NT5DC1: variants seen among roughly 807,000 people sequenced by gnomAD.
The protein encoded by NT5DC1 is 5'-nucleotidase domain-containing protein 1.
NT5DC1 carries 42 observed loss-of-function variants against 59.4 expected under a neutral mutation model. The ratio of observed to expected loss-of-function variants is 0.71; its 90% CI spans 0.55 to 0.92. NT5DC1 has a LOEUF of 0.92. Among genes scored for constraint, NT5DC1 ranks in the 40% least tolerant of loss-of-function variants. NT5DC1 has a pLI of 0.00. For missense variants in NT5DC1, 501 were observed against 537.1 expected (o/e 0.93, Z 0.66); for synonymous variants, 172 against 188.1 (o/e 0.91, Z 0.70).
At chr6:116,172,837 A>G (rs1047779934) in intron 6 of NT5DC1, among the ~76,000 whole-genome samples, 3 of 152,032 alleles carry the variant, frequency 2.0e-5, no homozygotes, top group African/African-American at 7.2e-5. Context: ...AGGAAAATCT[A>G]CTCTCCTTGT....
chr6:116,239,092 T>C lies in NT5DC1; in HGVS notation c.1221T>C (p.Thr407=). Residue 407 remains threonine, a synonymous_variant, in exon 11 of 12, where the codon ACT becomes ACC. Coordinates refer to ENST00000319550, the MANE Select transcript of NT5DC1 (RefSeq NM_152729.3). Reference sequence around the variant, plus strand: ...GTAAGAGAATCAGTACTTACAGCACTATTGCAATTCCAAGTATTGAAGCAA... The same window carrying C: ...GTAAGAGAATCAGTACTTACAGCACCATTGCAATTCCAAGTATTGAAGCAA... The part of the protein sequence containing the change: ...WSCKRISTYS[T]IAIPSIEAIA... The C allele has an allele frequency of 6.2e-7, 1 of 1,612,360 alleles. No homozygotes were observed. The highest frequency in any genetic ancestry group is 8.5e-7 in the Non-Finnish European group (1 of 1,179,162).
chr6:116,138,048 C>T lies in NT5DC1; in HGVS notation c.529+20103C>T, dbSNP rs57955822. On this transcript the variant is annotated intron_variant, in intron 6 of 11. Coordinates refer to ENST00000319550, the MANE Select transcript of NT5DC1 (RefSeq NM_152729.3). ...AGCCAAGATCACACCACTGCACTCC[C>T]GCCTGGGTGACAGAGTGAGACTCTG... 5.1e-3 allele frequency among the ~76,000 whole-genome samples: 773 copies of T among 151,890 alleles called. 10 individuals carry two copies. The highest frequency in any genetic ancestry group is 0.018 in the African/African-American group (732 of 41,388).
chr6:116,131,367 G>T (rs1042563188), intron 6 of NT5DC1, among the ~76,000 whole-genome samples: 4 of 152,094 alleles, frequency 2.6e-5, no homozygotes, highest in African/African-American at 9.7e-5. Flanking sequence ...TTAAAACATT[G>T]TTTTGATTTA....
chr6:116,182,070 C>G (rs1040745802), intron 6 of NT5DC1, among the ~76,000 whole-genome samples: 1 of 151,972 alleles, frequency 6.6e-6, no homozygotes, highest in African/African-American at 2.4e-5. Context: ...TATTCTTATG[C>G]CTTTGTGTCT....
chr6:116,222,372 G>C (rs1264675181), intron 7 of NT5DC1, among the ~76,000 whole-genome samples: 1 of 152,158 alleles, frequency 6.6e-6, no homozygotes, highest in Non-Finnish European at 1.5e-5. Flanking sequence ...GTTTGGATTT[G>C]TAAAAGTATT....
chr6:116,160,456 A>T (rs1374599118), intron 6 of NT5DC1, among the ~76,000 whole-genome samples: 1 of 151,928 alleles, frequency 6.6e-6, no homozygotes, highest in Non-Finnish European at 1.5e-5. Flanking sequence ...CTACTTTTTA[A>T]TGGAATTTTT....
At chr6:116,173,081 T>G (rs1362050560) in intron 6 of NT5DC1, among the ~76,000 whole-genome samples, 1 of 152,204 alleles carries the variant, frequency 6.6e-6, no homozygotes, top group East Asian at 1.9e-4. Flanking sequence ...CTTCTATAAC[T>G]TTTAAAGTTC....
At chr6:116,110,570 G>A (rs185813609) in intron 3 of NT5DC1, among the ~76,000 whole-genome samples, 1 of 152,190 alleles carries the variant, frequency 6.6e-6, no homozygotes, top group East Asian at 1.9e-4. Context: ...GTAGTTAAAC[G>A]ACAACTTCTC....
chr6:116,101,543 TGAAAG>T lies in NT5DC1; in HGVS notation c.93+524_93+528del, dbSNP rs1778656375. Among the ~76,000 whole-genome samples the T allele has an allele frequency of 2.0e-5, 3 of 152,196 alleles. No individual in the cohort carries two copies. In the South Asian group the frequency reaches 6.2e-4, roughly 32 times the overall value. ...ATGCGTAGTATATAGTGTAGTGTAT[TGAAAG>T]GAACACTAGTTGAAAAGTCATTAAG... On this transcript the variant is annotated intron_variant, in intron 1 of 11. Transcript: ENST00000319550.
Position 116,245,789 on chromosome 6 carries a change from A to G in NT5DC1, c.*1765A>G, listed in dbSNP as rs1771835724. The G allele has an allele frequency of 7.5e-6, 1 of 132,666 alleles. No individual in the cohort carries two copies. Among genetic ancestry groups the G allele is most frequent in the South Asian group, 3.0e-4 (1 of 3,336 alleles). 8.2% of individuals were successfully genotyped at this position (132,666 alleles called of 1,614,324 possible). ...GAAGTCCAAAATAAGAAATAACTGC[A>G]CTTTTTGGGCCACTTGAGTAGTGGC... On this transcript the variant is annotated 3_prime_UTR_variant, in exon 12 of 12. Transcript: ENST00000319550.
At chr6:116,178,096 C>CGT (rs1224530711) in intron 6 of NT5DC1, among the ~76,000 whole-genome samples, 1,250 of 107,860 alleles carry the variant, frequency 0.012, 11 homozygotes, top group Non-Finnish European at 0.017. Flanking sequence ...TGTGCGCGCG[C>CGT]GCGCGCGTGC....
rs1341743704 is a variant in NT5DC1 at position 116,108,379 on chromosome 6, A to G, written c.201A>G (p.Ala67=). The G allele has an allele frequency of 1.2e-6, 2 of 1,605,490 alleles. No individual in the cohort carries two copies. Among genetic ancestry groups the G allele is most frequent in the South Asian group, 1.1e-5 (1 of 90,846 alleles). The change falls in exon 3 of 12, where the codon GCA becomes GCG. Residue 67 remains alanine (A), a synonymous_variant. Transcript: ENST00000319550. Reference sequence around the variant, plus strand: ...CCTATTTCAGTTGCAAAGGTTTGGCATTGGATCTAGAAGATGGGAACTTCC... The same window carrying G: ...CCTATTTCAGTTGCAAAGGTTTGGCGTTGGATCTAGAAGATGGGAACTTCC... The part of the protein sequence containing the change: ...EDWDFCCKGL[A]LDLEDGNFLK...
chr6:116,187,528 A>G (rs919555183), intron 6 of NT5DC1, among the ~76,000 whole-genome samples: 1 of 152,102 alleles, frequency 6.6e-6, no homozygotes, highest in South Asian at 2.1e-4. Context: ...TGACAACTAG[A>G]AGATCACTGA....
intron 6 of NT5DC1, among the ~76,000 whole-genome samples, chr6:116,130,350 T>G (rs1238931838): frequency 6.6e-6 from 1 of 152,176 alleles, no homozygotes; most frequent in African/African-American, 2.4e-5. Flanking sequence ...TGGCACTTAT[T>G]AATCTTACTA....
At chr6:116,197,043 G>T (rs144857065) in intron 6 of NT5DC1, among the ~76,000 whole-genome samples, 1 of 151,574 alleles carries the variant, frequency 6.6e-6, no homozygotes, top group Non-Finnish European at 1.5e-5. Context: ...AGCTGTGTGT[G>T]TCCATCAGAG....
At chr6:116,182,919 T>C (rs1412383342) in intron 6 of NT5DC1, among the ~76,000 whole-genome samples, 1 of 152,180 alleles carries the variant, frequency 6.6e-6, no homozygotes, top group Non-Finnish European at 1.5e-5. Context: ...TTGAATTTGC[T>C]TTTGAGTTCT....
chr6:116,144,461 A>G (rs1388864547), intron 6 of NT5DC1, among the ~76,000 whole-genome samples: 3 of 151,842 alleles, frequency 2.0e-5, no homozygotes, highest in Non-Finnish European at 4.4e-5. Flanking sequence ...ATGTTGTGCC[A>G]CTGCACTCCA....
chr6:116,220,122 C>CTTTTTTTTTTTTT lies in NT5DC1; in HGVS notation c.530-921_530-909dup, dbSNP rs60827021. Reference sequence around the variant, plus strand: ...TATCATTCAGTACAAGCTGTTTAACCTTTTTTTTTTTTTTTTTTTTTTTGT... The same window carrying CTTTTTTTTTTTTT: ...TATCATTCAGTACAAGCTGTTTAACCTTTTTTTTTTTTTTTTTTTTTTTTTTTTTTTTTTTTGT... On this transcript the variant is annotated intron_variant, in intron 6 of 11. Transcript: ENST00000319550. 6.1e-4 allele frequency among the ~76,000 whole-genome samples: 60 copies of CTTTTTTTTTTTTT among 98,644 alleles called. 1 individual carries two copies. Among genetic ancestry groups the CTTTTTTTTTTTTT allele is most frequent in the African/African-American group, 1.8e-3 (41 of 23,046 alleles). The allele number at this position is 98,644 out of a possible 152,430, so 64.7% of individuals were successfully genotyped here.
intron 11 of NT5DC1, among the ~76,000 whole-genome samples, chr6:116,239,810 T>C (rs1782189047): frequency 6.6e-6 from 1 of 151,958 alleles, no homozygotes; most frequent in South Asian, 2.1e-4. Context: ...CAGTGCATAA[T>C]GAAAAATAGC....
Sources: allele counts gnomAD v4.1 joint callset (sites outside exome capture counted in the v4.1 genomes callset), GRCh38; gene constraint gnomAD v4.1.1; transcripts MANE v1.5; gene names NCBI Gene and HGNC (gene_info 2026-07-23, HGNC 2026-07-21).